ELP6: variants seen among roughly 807,000 people sequenced by gnomAD.
ELP6 encodes elongator acetyltransferase complex subunit 6.
Under a neutral mutation model 28.1 loss-of-function variants are expected in ELP6, and 23 were observed. The ratio of observed to expected loss-of-function variants is 0.82; its 90% CI spans 0.59 to 1.16. ELP6 has a LOEUF of 1.16. Among genes scored for constraint, ELP6 ranks in the 50% most tolerant of loss-of-function variants. The pLI is 0.00. For synonymous variants in ELP6, 132 were observed against 135.8 expected (o/e 0.97, Z 0.19); for missense variants, 313 against 334.6 (o/e 0.94, Z 0.50).
At chr3:47,498,571 C>T in intron 5 of ELP6, 139 bp from the exon 6 acceptor site, 1 of 1,501,954 alleles carries the variant, frequency 6.7e-7, no homozygotes, top group Non-Finnish European at 8.9e-7. Context: ...CAGCCAGCCC[C>T]TACCTGTGCT....
At position 47,513,647 on chromosome 3, in the gene ELP6, G is replaced by C. The variant is rs906259286; in HGVS notation, c.-57C>G. On this transcript the variant is annotated 5_prime_UTR_variant, in exon 1 of 7. Transcript: ENST00000296149. ...GAACCCGGAGTGCTGCAGAGACGAC[G>C]GAGGCTGGAGAGCAAAACACACCCG... 2 of 1,606,386 alleles carry C rather than the reference G, an allele frequency of 1.2e-6. No homozygotes were observed. Among genetic ancestry groups the C allele is most frequent in the Non-Finnish European group, 1.7e-6 (2 of 1,174,760 alleles).
chr3:47,508,765 C>CTTTT (rs1218072845), intron 3 of ELP6, among the ~76,000 whole-genome samples: 2 of 132,210 alleles, frequency 1.5e-5, no homozygotes, highest in African/African-American at 2.8e-5. Context: ...TTTTTTTTTC[C>CTTTT]TTTTTTTTTT....
intron 3 of ELP6, among the ~76,000 whole-genome samples, chr3:47,507,955 A>AAAAAAT (rs778778205): frequency 6.6e-6 from 1 of 151,984 alleles, no homozygotes; most frequent in African/African-American, 2.4e-5. Flanking sequence ...AAAAGTAGCC[A>AAAAAAT]GTTTAGATAT....
chr3:47,513,678 CCGGCT>C lies in ELP6; in HGVS notation c.-93_-89del. Reference sequence around the variant, plus strand: ...TGGAGAGCAAAACACACCCGACAGCCCGGCTCGCGCAAGGAAGCGCGCATGCGCAA... The same window carrying C: ...TGGAGAGCAAAACACACCCGACAGCCCGCGCAAGGAAGCGCGCATGCGCAA... On this transcript the variant is annotated 5_prime_UTR_variant, in exon 1 of 7. Coordinates refer to ENST00000296149, the MANE Select transcript of ELP6 (RefSeq NM_001031703.3). 6.5e-7 allele frequency: 1 copy of C among 1,548,128 alleles called. No homozygotes were observed. The highest frequency in any genetic ancestry group is 8.8e-7 in the Non-Finnish European group (1 of 1,134,486).
intron 3 of ELP6, among the ~76,000 whole-genome samples, chr3:47,505,661 T>G (rs1708811944): frequency 6.6e-6 from 1 of 152,294 alleles, no homozygotes; most frequent in East Asian, 1.9e-4. Flanking sequence ...AACCTCCGCC[T>G]CCTGGGTTCA....
chr3:47,497,135 T>A, intron 6 of ELP6: 2 of 984,108 alleles, frequency 2.0e-6, no homozygotes, highest in South Asian at 9.4e-5. Flanking sequence ...ACCAGGAAGC[T>A]GTGGTGGAGG....
At position 47,513,257 on chromosome 3, in the gene ELP6, G is replaced by C. The variant is rs549730546; in HGVS notation, c.54+280C>G. 1.9e-5 allele frequency: 25 copies of C among 1,291,702 alleles called. No individual in the cohort carries two copies. In the African/African-American group the frequency reaches 2.6e-4, roughly 14 times the overall value. 80.0% of individuals were successfully genotyped at this position (1,291,702 alleles called of 1,614,324 possible). A position where few individuals can be genotyped will look rare whatever the true frequency, so the allele number is the denominator to read the frequency against. ...TGCACCCGCCTCGGCCTCCCAAACT[G>C]CTGGGATTACAGGGGTGAGCCACCG... On this transcript the variant is annotated intron_variant, in intron 1 of 6. Coordinates refer to ENST00000296149, the MANE Select transcript of ELP6 (RefSeq NM_001031703.3).
chr3:47,509,833 C>T (rs541963847), intron 3 of ELP6: 21 of 166,286 alleles, frequency 1.3e-4, no homozygotes, highest in Non-Finnish European at 1.7e-4. Context: ...GCGATCTCAG[C>T]TCACTGCAAC....
chr3:47,503,677 C>A (rs60729053), intron 4 of ELP6, among the ~76,000 whole-genome samples: 6 of 151,982 alleles, frequency 3.9e-5, no homozygotes, highest in East Asian at 3.9e-4. Flanking sequence ...CCGAGGCGGG[C>A]GGATCACGAG....
At chr3:47,510,071 T>C in intron 3 of ELP6, 113 bp downstream of exon 3, 1 of 863,962 alleles carries the variant, frequency 1.2e-6, no homozygotes, top group South Asian at 1.6e-5. Context: ...AATATTTCTT[T>C]AGTCCCTCTT....
intron 5 of ELP6, 69 bp from the exon 6 acceptor site, chr3:47,498,501 C>T (rs1169712236): frequency 3.2e-6 from 5 of 1,575,428 alleles, no homozygotes; most frequent in Non-Finnish European, 8.6e-7. Flanking sequence ...GAGTGCCAGC[C>T]TCTCGTTGCC....
At chr3:47,508,879 C>G (rs1273146071) in intron 3 of ELP6, among the ~76,000 whole-genome samples, 1 of 151,634 alleles carries the variant, frequency 6.6e-6, no homozygotes, top group African/African-American at 2.4e-5. Flanking sequence ...ATTCTCCTGC[C>G]TCAGTCTCCC....
chr3:47,503,100 T>A, intron 4 of ELP6: 1 of 1,059,922 alleles, frequency 9.4e-7, no homozygotes, highest in Non-Finnish European at 1.1e-6. Flanking sequence ...TTATCTTCAC[T>A]AACAATGAAG....
chr3:47,506,641 CTT>C (rs944670736), intron 3 of ELP6, among the ~76,000 whole-genome samples: 9 of 152,344 alleles, frequency 5.9e-5, no homozygotes, highest in East Asian at 1.9e-4. Context: ...GGTTATCTCT[CTT>C]GTTTCCTAAA....
intron 1 of ELP6, chr3:47,512,667 C>T (rs959533434): frequency 4.1e-6 from 4 of 985,328 alleles, no homozygotes; most frequent in Middle Eastern, 5.2e-4. Context: ...AGAGAACAGG[C>T]CAGCCTGGGG....
chr3:47,503,315 G>C, intron 4 of ELP6: 1 of 1,288,566 alleles, frequency 7.8e-7, no homozygotes, highest in South Asian at 1.2e-5. Flanking sequence ...AGTGGACGAA[G>C]AACAGCAGCC....
At position 47,495,994 on chromosome 3, in the gene ELP6, C is replaced by A; in HGVS notation, c.*75G>T. 6.2e-7 allele frequency: 1 copy of A among 1,607,468 alleles called. No homozygotes were observed. Among genetic ancestry groups the A allele is most frequent in the Non-Finnish European group, 8.5e-7 (1 of 1,177,378 alleles). On this transcript the variant is annotated 3_prime_UTR_variant, in exon 7 of 7. Coordinates refer to ENST00000296149, the MANE Select transcript of ELP6 (RefSeq NM_001031703.3). The stretch of plus-strand genomic sequence containing the variant: ...GAAATATTACTACAGAGGAGAAAGA[C>A]CCATTCTTGCTATGTTGCTCTATCT...
rs1708464596 is a variant in ELP6, at chr3:47,495,828, T to C, written c.*241A>G. The C allele has an allele frequency of 1.9e-6, 1 of 522,872 alleles. No individual in the cohort carries two copies. Among genetic ancestry groups the C allele is most frequent in the East Asian group, 4.6e-5 (1 of 21,930 alleles). 32.4% of individuals were successfully genotyped at this position (522,872 alleles called of 1,614,324 possible). On this transcript the variant is annotated 3_prime_UTR_variant, in exon 7 of 7. Transcript: ENST00000296149. ...AAGGCTCCAAAGGACCCCTTTCACT[T>C]GGGTCTAGCATCCAGCCTCTCTCTC...
intron 3 of ELP6, among the ~76,000 whole-genome samples, chr3:47,506,267 ACCGGGG>A (rs1172323153): frequency 6.6e-6 from 1 of 152,228 alleles, no homozygotes; most frequent in East Asian, 1.9e-4. Context: ...GGACTGCAGG[ACCGGGG>A]CGAAATTAAA....
Sources: allele counts gnomAD v4.1 joint callset (sites outside exome capture counted in the v4.1 genomes callset), GRCh38; gene constraint gnomAD v4.1.1; transcripts MANE v1.5; gene names NCBI Gene and HGNC (gene_info 2026-07-23, HGNC 2026-07-21).